DNAL1: variants seen among roughly 807,000 people sequenced by gnomAD.
DNAL1 encodes chromosome 14 open reading frame 168.
A neutral mutation model predicts 29.4 loss-of-function variants in DNAL1; 17 were observed. The observed-to-expected ratio is 0.58, with a 90% CI of 0.40 to 0.87. The LOEUF is 0.87. Ranked by LOEUF, DNAL1 falls within the 40% of genes least tolerant of loss-of-function variation. The pLI is 0.00. For missense variants in DNAL1, 188 were observed against 214.1 expected, an observed-to-expected ratio of 0.88 and a Z score of 0.76; for synonymous variants, 78 against 76.3, an observed-to-expected ratio of 1.02 and a Z score of -0.12.
chr14:73,665,453 CAT>C (rs1051374297), intron 4 of DNAL1, among the ~76,000 whole-genome samples: 4 of 152,094 alleles, frequency 2.6e-5, no homozygotes, highest in East Asian at 3.8e-4. Context: ...AAGTTGATAA[CAT>C]ATTATTTATC....
intron 5 of DNAL1, among the ~76,000 whole-genome samples, chr14:73,673,759 G>A (rs1289410131): frequency 6.6e-6 from 1 of 151,892 alleles, no homozygotes; most frequent in African/African-American, 2.4e-5. Context: ...CAGGCATGGT[G>A]GTACATGCCT....
chr14:73,665,524 C>T (rs1891456635), intron 4 of DNAL1, among the ~76,000 whole-genome samples: 1 of 152,154 alleles, frequency 6.6e-6, no homozygotes, highest in Non-Finnish European at 1.5e-5. Context: ...GGCACGGTGG[C>T]TCACACCTGT....
chr14:73,690,044 A>C (rs1566891771), intron 7 of DNAL1, among the ~76,000 whole-genome samples: 1 of 118,808 alleles, frequency 8.4e-6, no homozygotes, highest in African/African-American at 3.4e-5. Context: ...TCTCAAAAAA[A>C]AAAAAAAGAA....
chr14:73,695,451 C>G (rs777979729), intron 7 of DNAL1, among the ~76,000 whole-genome samples: 6 of 152,024 alleles, frequency 3.9e-5, no homozygotes, highest in Non-Finnish European at 7.4e-5. Context: ...AGAAGCTTTT[C>G]AGATAATTTG....
At chr14:73,652,546 G>T (rs1891134696) in intron 1 of DNAL1, among the ~76,000 whole-genome samples, 1 of 152,072 alleles carries the variant, frequency 6.6e-6, no homozygotes, top group African/African-American at 2.4e-5. Flanking sequence ...AAAGCGCTGG[G>T]ATTACAGGCA....
intron 6 of DNAL1, among the ~76,000 whole-genome samples, chr14:73,687,978 A>G (rs1307455666): frequency 2.6e-5 from 4 of 152,178 alleles, no homozygotes; most frequent in African/African-American, 9.7e-5. Context: ...CCTAAAACTT[A>G]AAGTATAATA....
chr14:73,695,979 G>A lies in DNAL1; in HGVS notation c.*37G>A, dbSNP rs377244619. On this transcript the variant is annotated 3_prime_UTR_variant, in exon 8 of 8. Transcript: ENST00000553645. ...CCACTGTGTGTTAACTTATTTAAAT[G>A]TCATAAGAACAATAGATAAATTTTA... is the stretch of plus-strand genomic sequence containing the variant. 21 of 1,538,478 alleles carry A rather than the reference G, an allele frequency of 1.4e-5. No homozygotes were observed. Among genetic ancestry groups the A allele is most frequent in the Non-Finnish European group, 1.9e-5 (21 of 1,132,986 alleles).
At chr14:73,673,316 A>T (rs1595214188) in intron 5 of DNAL1, among the ~76,000 whole-genome samples, 1 of 152,198 alleles carries the variant, frequency 6.6e-6, no homozygotes, top group Non-Finnish European at 1.5e-5. Flanking sequence ...ATGTTCCCCC[A>T]GGTATTTATA....
At chr14:73,652,619 C>A (rs1046093890) in intron 1 of DNAL1, among the ~76,000 whole-genome samples, 1 of 152,088 alleles carries the variant, frequency 6.6e-6, no homozygotes, top group Non-Finnish European at 1.5e-5. Flanking sequence ...TTTGCTCAAT[C>A]AGGCTTGCCA....
At chr14:73,688,882 A>G (rs1386478625) in intron 6 of DNAL1, among the ~76,000 whole-genome samples, 2 of 152,104 alleles carry the variant, frequency 1.3e-5, no homozygotes, top group African/African-American at 4.8e-5. Context: ...CCCATCCTGT[A>G]CTGTCTTCTG....
intron 7 of DNAL1, among the ~76,000 whole-genome samples, chr14:73,689,968 G>A (rs866477561): frequency 1.3e-5 from 2 of 151,362 alleles, no homozygotes; most frequent in Non-Finnish European, 2.9e-5. Context: ...CTCGGCAGGC[G>A]GAGGTTGCAG....
chr14:73,685,924 C>G (rs1332796870), intron 5 of DNAL1, among the ~76,000 whole-genome samples: 1 of 152,182 alleles, frequency 6.6e-6, no homozygotes, highest in African/African-American at 2.4e-5. Context: ...ATCCCACTTT[C>G]ATTTCTTCTG....
intron 1 of DNAL1, among the ~76,000 whole-genome samples, chr14:73,654,486 C>T (rs532973156): frequency 1.4e-3 from 212 of 152,220 alleles, no homozygotes; most frequent in Middle Eastern, 3.4e-3. Flanking sequence ...GGGCTGGGCA[C>T]GGTGGCTCAC....
chr14:73,696,832 C>G lies in DNAL1; in HGVS notation c.*890C>G, dbSNP rs1329852141. The G allele has an allele frequency of 6.6e-6, 1 of 151,946 alleles. No individual in the cohort carries two copies. Among genetic ancestry groups the G allele is most frequent in the Non-Finnish European group, 1.5e-5 (1 of 68,000 alleles). The allele number at this position is 151,946 out of a possible 1,614,324, so 9.4% of individuals were successfully genotyped here. A position where few individuals can be genotyped will look rare whatever the true frequency, so the allele number is the denominator to read the frequency against. The stretch of plus-strand genomic sequence containing the variant: ...TACCCTAATTATTTGGTCTGGTGAC[C>G]CTCATTGTTGGGAAAAGTGACTACC... On this transcript the variant is annotated 3_prime_UTR_variant, in exon 8 of 8. Transcript: ENST00000553645.
rs1454978983 is a variant in DNAL1 at position 73,687,354 on chromosome 14, C to T, written c.360C>T (p.Leu120=). The stretch of plus-strand genomic sequence containing the variant: ...ACATAATGAAGAAATTGAAGATTCT[C>T]TACATGTCTAATAACCTGGTAAAAG... The part of the protein sequence containing the change: ...GIHIMKKLKI[L]YMSNNLVKDW... The change falls in exon 6 of 8, where the codon CTC becomes CTT. Residue 120 remains leucine (L), a synonymous_variant. Transcript: ENST00000553645. The T allele has an allele frequency of 6.2e-7, 1 of 1,610,438 alleles. No homozygotes were observed. Among genetic ancestry groups the T allele is most frequent in the Non-Finnish European group, 8.5e-7 (1 of 1,178,368 alleles).
At chr14:73,670,930 G>A (rs1172203124) in intron 4 of DNAL1, among the ~76,000 whole-genome samples, 1 of 151,700 alleles carries the variant, frequency 6.6e-6, no homozygotes, top group Non-Finnish European at 1.5e-5. Context: ...TAGAGACGGG[G>A]TTTCACCGTG....
At chr14:73,686,429 G>C (rs1595223507) in intron 5 of DNAL1, among the ~76,000 whole-genome samples, 1 of 152,112 alleles carries the variant, frequency 6.6e-6, no homozygotes, top group Non-Finnish European at 1.5e-5. Context: ...TTATTGGCTG[G>C]GCACAGTGGC....
chr14:73,656,155 T>C (rs1891211462), intron 2 of DNAL1, among the ~76,000 whole-genome samples: 1 of 152,170 alleles, frequency 6.6e-6, no homozygotes, highest in Non-Finnish European at 1.5e-5. Context: ...CTGAGGAAAA[T>C]AGACAAAAGT....
intron 4 of DNAL1, among the ~76,000 whole-genome samples, chr14:73,670,033 A>T (rs1891580890): frequency 6.6e-6 from 1 of 152,032 alleles, no homozygotes; most frequent in African/African-American, 2.4e-5. Flanking sequence ...TGTACTTACC[A>T]TGGGTTACAC....
Sources: allele counts gnomAD v4.1 joint callset (sites outside exome capture counted in the v4.1 genomes callset), GRCh38; gene constraint gnomAD v4.1.1; transcripts MANE v1.5; gene names NCBI Gene and HGNC (gene_info 2026-07-23, HGNC 2026-07-21).